Variants in SPAG17 observed in about 807,000 individuals in gnomAD.
The protein encoded by SPAG17 is sperm-associated antigen 17.
Under a neutral mutation model 273.6 loss-of-function variants are expected in SPAG17, and 169 were observed. That is an observed-to-expected ratio of 0.62 (90% confidence interval 0.55 to 0.70). The LOEUF (loss-of-function observed/expected upper bound fraction) is 0.70, where lower values mean the gene tolerates loss of function less well. SPAG17 is among the 30% of genes least tolerant of loss of function. The pLI, the probability that SPAG17 is intolerant of heterozygous loss-of-function variation, is 0.00. For synonymous variants in SPAG17, 825 were observed against 873.2 expected, an observed-to-expected ratio of 0.94 and a Z score of 0.97; for missense variants, 2,557 against 2,627.8, an observed-to-expected ratio of 0.97 and a Z score of 0.59.
At chr1:117,987,960 T>TGTG in intron 39 of SPAG17, 79 bp from the exon 40 acceptor site, 1 of 1,522,364 alleles carries the variant, frequency 6.6e-7, no homozygotes, top group Non-Finnish European at 9.0e-7. Context: ...CCCTCACCAC[T>TGTG]ATATGATGAA....
chr1:117,969,123 C>T (rs1234460507), intron 46 of SPAG17, among the ~76,000 whole-genome samples: 1 of 152,056 alleles, frequency 6.6e-6, no homozygotes, highest in Non-Finnish European at 1.5e-5. Context: ...TCCTATATTT[C>T]TGAAATTATA....
chr1:118,170,848 T>C (rs2102392342), intron 1 of SPAG17, among the ~76,000 whole-genome samples: 1 of 152,318 alleles, frequency 6.6e-6, no homozygotes, highest in African/African-American at 2.4e-5. Context: ...TCAATTTGGT[T>C]ATCTTGTGGG....
rs12027532 is a variant in SPAG17, at chr1:118,024,306, C to T, written c.3910-843G>A. Among the ~76,000 whole-genome samples the T allele has an allele frequency of 3.6e-4, 55 of 152,146 alleles. No homozygotes were observed. The East Asian group carries it at 9.1e-3, about 25-fold the overall frequency. On this transcript the variant is annotated intron_variant, in intron 27 of 48. Coordinates refer to ENST00000336338, the MANE Select transcript of SPAG17 (RefSeq NM_206996.4). ...CTTTTCTCACCCTCAAAATCTACCC[C>T]TTCCCATTTTTGATCATTCACAATT...
At chr1:118,095,006 A>G (rs1170385606) in intron 7 of SPAG17, among the ~76,000 whole-genome samples, 1 of 152,222 alleles carries the variant, frequency 6.6e-6, no homozygotes, top group African/African-American at 2.4e-5. Flanking sequence ...TCATGGCCCA[A>G]CTAGAGACCC....
At chr1:118,067,637 C>G (rs1020969301) in intron 17 of SPAG17, among the ~76,000 whole-genome samples, 5 of 152,204 alleles carry the variant, frequency 3.3e-5, no homozygotes, top group African/African-American at 1.2e-4. Flanking sequence ...TCAGGCATGG[C>G]ATTTTGGCAT....
chr1:118,069,514 C>T (rs1653354302), intron 17 of SPAG17, among the ~76,000 whole-genome samples: 2 of 151,958 alleles, frequency 1.3e-5, no homozygotes, highest in South Asian at 4.2e-4. Flanking sequence ...GTGACCTTTT[C>T]TGAGATGGAC....
intron 1 of SPAG17, among the ~76,000 whole-genome samples, chr1:118,182,329 G>T (rs746039326): frequency 3.3e-5 from 5 of 152,068 alleles, no homozygotes; most frequent in Non-Finnish European, 5.9e-5. Context: ...AAATAGTACC[G>T]AGTGCTAAGG....
At chr1:118,087,411 G>A (rs1220201713) in intron 10 of SPAG17, among the ~76,000 whole-genome samples, 2 of 152,088 alleles carry the variant, frequency 1.3e-5, no homozygotes, top group Admixed American at 6.6e-5. Flanking sequence ...CACAAGCCAG[G>A]TACTATGTAA....
chr1:118,038,373 A>T (rs1649334938), intron 23 of SPAG17, among the ~76,000 whole-genome samples: 1 of 152,180 alleles, frequency 6.6e-6, no homozygotes, highest in East Asian at 1.9e-4. Flanking sequence ...GGATTCTTCC[A>T]ACATGAACAT....
At chr1:118,180,090 T>TG (rs1468222925) in intron 1 of SPAG17, among the ~76,000 whole-genome samples, 2 of 152,020 alleles carry the variant, frequency 1.3e-5, no homozygotes, top group African/African-American at 4.8e-5. Context: ...TTCTGCTACT[T>TG]GGTATATAGC....
intron 18 of SPAG17, among the ~76,000 whole-genome samples, chr1:118,061,096 G>A (rs1165395962): frequency 6.6e-6 from 1 of 152,134 alleles, no homozygotes; most frequent in Non-Finnish European, 1.5e-5. Flanking sequence ...CCTTATATAT[G>A]GTTGGTAGGA....
At chr1:118,022,129 A>G (rs1660557224) in intron 28 of SPAG17, among the ~76,000 whole-genome samples, 1 of 152,150 alleles carries the variant, frequency 6.6e-6, no homozygotes, top group East Asian at 1.9e-4. Flanking sequence ...CAGGAGAGGC[A>G]GCGTAATTTA....
Position 118,025,382 on chromosome 1 carries a change from G to A in SPAG17, c.3765C>T (p.Asp1255=), listed in dbSNP as rs187611220. 3.1e-6 allele frequency: 5 copies of A among 1,600,258 alleles called. No homozygotes were observed. Among genetic ancestry groups the A allele is most frequent in the Non-Finnish European group, 4.3e-6 (5 of 1,175,082 alleles). Residue 1255 remains aspartate (D), a synonymous_variant, in exon 27 of 49, where the codon GAC becomes GAT. Transcript: ENST00000336338. ...QYVIDEEPTW[D]IMVRQSYPQR... ...GGGGGTAGCTCTGACGGACCATGAT[G>A]TCCCAGGTGGGTTCCTCATCTATAA...
At chr1:118,102,965 T>A (rs1458865509) in intron 4 of SPAG17, among the ~76,000 whole-genome samples, 13 of 152,162 alleles carry the variant, frequency 8.5e-5, no homozygotes, top group Admixed American at 8.5e-4. Flanking sequence ...GTGATGAAAC[T>A]GCCACCCTTT....
chr1:117,953,984 C>G lies in SPAG17; in HGVS notation c.*66G>C, dbSNP rs1651787768. On this transcript the variant is annotated 3_prime_UTR_variant, in exon 49 of 49. Coordinates refer to ENST00000336338, the MANE Select transcript of SPAG17 (RefSeq NM_206996.4). Reference sequence around the variant, plus strand: ...ATGATGGAGTATGTTGTGATGACTTCTTTCCTTTCTCATCCTCTGTAGGCT... The same window carrying G: ...ATGATGGAGTATGTTGTGATGACTTGTTTCCTTTCTCATCCTCTGTAGGCT... 1 of 1,593,698 alleles carries G rather than the reference C, an allele frequency of 6.3e-7. No individual in the cohort carries two copies. Among genetic ancestry groups the G allele is most frequent in the South Asian group, 1.1e-5 (1 of 89,254 alleles).
At chr1:117,974,757 T>C (rs1002046623) in intron 43 of SPAG17, among the ~76,000 whole-genome samples, 9 of 152,208 alleles carry the variant, frequency 5.9e-5, no homozygotes, top group African/African-American at 1.7e-4. Flanking sequence ...GAAATAAGAA[T>C]AGTATTTTAG....
At chr1:118,066,638 G>T in intron 18 of SPAG17, 107 bp downstream of exon 18, 1 of 865,910 alleles carries the variant, frequency 1.2e-6, no homozygotes. Flanking sequence ...TTTTCATTGA[G>T]CTGAACCCCC....
At chr1:117,980,643 G>A (rs1266715894) in intron 43 of SPAG17, among the ~76,000 whole-genome samples, 1 of 151,818 alleles carries the variant, frequency 6.6e-6, no homozygotes, top group Non-Finnish European at 1.5e-5. Flanking sequence ...CATGCCCACA[G>A]GAACCAAGTG....
rs1286256335 is a variant in SPAG17 at position 118,053,995 on chromosome 1, G to A, written c.2814+7C>T. The A allele has an allele frequency of 6.3e-7, 1 of 1,596,254 alleles. No homozygotes were observed. Among genetic ancestry groups the A allele is most frequent in the Non-Finnish European group, 8.6e-7 (1 of 1,166,898 alleles). ...CTGTTTTTTAAACTTTATGTAAGCT[G>A]GATTACCTTGAGAGAGCCTTCTAAA... On this transcript the variant is annotated splice_region_variant and intron_variant, in intron 20 of 48. Transcript: ENST00000336338.
Sources: allele counts gnomAD v4.1 joint callset (sites outside exome capture counted in the v4.1 genomes callset), GRCh38; gene constraint gnomAD v4.1.1; transcripts MANE v1.5; gene names NCBI Gene and HGNC (gene_info 2026-07-23, HGNC 2026-07-21).